USH2A: variants seen among roughly 807,000 people sequenced by gnomAD.
The protein encoded by USH2A is usherin.
A neutral mutation model predicts 538.9 loss-of-function variants in USH2A; 443 were observed. The ratio of observed to expected loss-of-function variants is 0.82; its 90% CI spans 0.76 to 0.89. The LOEUF is 0.89. Among genes scored for constraint, USH2A ranks in the 40% least tolerant of loss-of-function variants. The probability of loss-of-function intolerance (pLI) is 0.00; values close to 1 mark genes in which losing one functional copy is unlikely to be tolerated. For synonymous variants in USH2A, 2,413 were observed against 2,273.5 expected, an observed-to-expected ratio of 1.06 and a Z score of -1.75; for missense variants, 6,633 against 6,324.8, an observed-to-expected ratio of 1.05 and a Z score of -1.65.
Position 215,625,622 on chromosome 1 carries a change from A to C in USH2A, c.*159T>G. On this transcript the variant is annotated 3_prime_UTR_variant, in exon 72 of 72. Coordinates refer to ENST00000307340, the MANE Select transcript of USH2A (RefSeq NM_206933.4). ...GAAAAATATCATTTCTTAGACCTCT[A>C]TTAGGAAGGAACACTTTCAAAAACA... 1 of 716,430 alleles carries C rather than the reference A, an allele frequency of 1.4e-6. No homozygotes were observed. The highest frequency in any genetic ancestry group is 2.7e-5 in the East Asian group (1 of 36,808). The allele number at this position is 716,430 out of a possible 1,614,324, so 44.4% of individuals were successfully genotyped here. A position where few individuals can be genotyped will look rare whatever the true frequency, so the allele number is the denominator to read the frequency against.
rs939570175 is a variant in USH2A at position 215,813,957 on chromosome 1, T to C, written c.9571-53A>G. The C allele has an allele frequency of 1.1e-5, 17 of 1,562,038 alleles. No homozygotes were observed. In the African/African-American group the frequency reaches 2.0e-4, roughly 19 times the overall value. ...AATATCAGTTTAGTTAAGAGTGTTA[T>C]ACCACTGTATCTCATGTAATATAAT... is the stretch of plus-strand genomic sequence containing the variant. On this transcript the variant is annotated intron_variant, in intron 48 of 71. Coordinates refer to ENST00000307340, the MANE Select transcript of USH2A (RefSeq NM_206933.4).
intron 27 of USH2A, among the ~76,000 whole-genome samples, chr1:216,075,599 G>T (rs1286814380): frequency 1.3e-5 from 2 of 152,108 alleles, no homozygotes. Flanking sequence ...GGCTTGGCAG[G>T]CCTGCTAAAT....
chr1:215,935,959 C>G (rs1666482171), intron 37 of USH2A, among the ~76,000 whole-genome samples: 1 of 151,948 alleles, frequency 6.6e-6, no homozygotes, highest in Non-Finnish European at 1.5e-5. Flanking sequence ...GTGGGAGAAT[C>G]ACTTGAACCC....
intron 32 of USH2A, among the ~76,000 whole-genome samples, chr1:216,028,792 C>CTT (rs1025093816): frequency 2.0e-5 from 3 of 151,918 alleles, no homozygotes; most frequent in African/African-American, 7.2e-5. Flanking sequence ...TTTTAAAAAA[C>CTT]TTAAAATGCA....
chr1:216,348,045 C>T (rs2038213248), intron 4 of USH2A, among the ~76,000 whole-genome samples: 1 of 152,138 alleles, frequency 6.6e-6, no homozygotes, highest in African/African-American at 2.4e-5. Context: ...GTTTTGCTAT[C>T]AGAGCCAAGG....
intron 61 of USH2A, among the ~76,000 whole-genome samples, chr1:215,706,792 T>C (rs1460135944): frequency 6.6e-6 from 1 of 152,206 alleles, no homozygotes; most frequent in African/African-American, 2.4e-5. Context: ...AGGTTCAGCA[T>C]TGAAAGCTTT....
intron 27 of USH2A, among the ~76,000 whole-genome samples, chr1:216,076,170 T>C (rs1421185729): frequency 6.6e-6 from 1 of 152,132 alleles, no homozygotes; most frequent in Non-Finnish European, 1.5e-5. Flanking sequence ...TAATAACCAT[T>C]CCAGGTGATG....
In USH2A at chr1:216,422,208, C is replaced by T. The variant is rs2039690260; in HGVS notation, c.129G>A (p.Val43=). ...SRGLFPRLEN[V]GAFKKVSIVP... Reference sequence around the variant, plus strand: ...CGATGGAAACTTTCTTGAAAGCTCCCACGTTCTCCAGCCTTGGGAAAAGAC... The same window carrying T: ...CGATGGAAACTTTCTTGAAAGCTCCTACGTTCTCCAGCCTTGGGAAAAGAC... The change falls in exon 2 of 72, where the codon GTG becomes GTA. Residue 43 remains valine, a synonymous_variant. Transcript: ENST00000307340. 1 of 1,612,166 alleles carries T rather than the reference C, an allele frequency of 6.2e-7. No homozygotes were observed. The highest frequency in any genetic ancestry group is 1.7e-5 in the Admixed American group (1 of 59,838).
intron 11 of USH2A, among the ~76,000 whole-genome samples, chr1:216,259,111 A>G (rs945651326): frequency 6.6e-6 from 1 of 152,114 alleles, no homozygotes; most frequent in African/African-American, 2.4e-5. Flanking sequence ...CAAAATTGGA[A>G]TCCTGAAACT....
chr1:216,137,547 C>T (rs1211945641), intron 21 of USH2A, among the ~76,000 whole-genome samples: 2 of 152,108 alleles, frequency 1.3e-5, no homozygotes, highest in Non-Finnish European at 2.9e-5. Flanking sequence ...GCAAGGAGAG[C>T]CAGTCCAAGT....
chr1:216,278,669 T>C (rs1388665028), intron 11 of USH2A, among the ~76,000 whole-genome samples: 3 of 152,216 alleles, frequency 2.0e-5, no homozygotes, highest in Admixed American at 1.3e-4. Flanking sequence ...ATACTATTCA[T>C]GGTCAGGTTT....
intron 37 of USH2A, among the ~76,000 whole-genome samples, chr1:215,960,106 TTTTC>T (rs1667163346): frequency 1.3e-5 from 2 of 152,118 alleles, no homozygotes; most frequent in Admixed American, 6.6e-5. Flanking sequence ...TCTCAGAATA[TTTTC>T]TTTATCTTTT....
At chr1:215,824,967 T>G (rs1223601179) in intron 47 of USH2A, among the ~76,000 whole-genome samples, 1 of 152,158 alleles carries the variant, frequency 6.6e-6, no homozygotes, top group Admixed American at 6.6e-5. Context: ...TCTGGGATAT[T>G]GCTGTGATAA....
intron 49 of USH2A, among the ~76,000 whole-genome samples, chr1:215,802,307 G>A (rs1030384452): frequency 6.6e-6 from 1 of 151,970 alleles, no homozygotes; most frequent in East Asian, 1.9e-4. Flanking sequence ...TGGCATCAAA[G>A]AACACTGTCA....
intron 9 of USH2A, among the ~76,000 whole-genome samples, chr1:216,295,664 T>A (rs1402876737): frequency 1.3e-5 from 2 of 151,952 alleles, no homozygotes; most frequent in African/African-American, 4.8e-5. Flanking sequence ...CCATTTGCTG[T>A]GAAATACTTA....
chr1:216,173,443 G>T (rs1348354827), intron 21 of USH2A, among the ~76,000 whole-genome samples: 1 of 152,166 alleles, frequency 6.6e-6, no homozygotes. Context: ...CCAGGGAGTA[G>T]TTCAAGCCAA....
intron 2 of USH2A, 29 bp from the exon 3 acceptor site, chr1:216,418,708 A>C (rs1035030734): frequency 1.9e-6 from 3 of 1,612,000 alleles, no homozygotes; most frequent in Non-Finnish European, 2.5e-6. Context: ...AAGAGAGAAA[A>C]GGTCAGCATC....
intron 44 of USH2A, 37 bp from the exon 45 acceptor site, chr1:215,846,070 TGAG>T: frequency 1.9e-6 from 3 of 1,601,490 alleles, no homozygotes; most frequent in Non-Finnish European, 2.6e-6. Flanking sequence ...TGAATGTAGC[TGAG>T]GCTTTCAGGG....
intron 9 of USH2A, among the ~76,000 whole-genome samples, chr1:216,316,885 C>A (rs1440783692): frequency 1.3e-5 from 2 of 152,198 alleles, no homozygotes; most frequent in African/African-American, 4.8e-5. Context: ...CCTCCCCTGG[C>A]AACAACTCGC....
Sources: allele counts gnomAD v4.1 joint callset (sites outside exome capture counted in the v4.1 genomes callset), GRCh38; gene constraint gnomAD v4.1.1; transcripts MANE v1.5; gene names NCBI Gene and HGNC (gene_info 2026-07-23, HGNC 2026-07-21).